Variants in BNC2 observed in about 807,000 individuals in gnomAD.
BNC2 encodes the protein basonuclin zinc finger protein 2.
In BNC2, 20 loss-of-function variants were observed where a neutral mutation model predicts 76.3. That is an observed-to-expected ratio of 0.26 (90% CI 0.18 to 0.38). The LOEUF (loss-of-function observed/expected upper bound fraction) is 0.38, where lower values mean the gene tolerates loss of function less well. BNC2 is among the 10% of genes least tolerant of loss of function. The probability of loss-of-function intolerance (pLI) is 1.00; values close to 1 mark genes in which losing one functional copy is unlikely to be tolerated. For missense variants in BNC2, 1,382 were observed against 1,399.8 expected (o/e 0.99, Z 0.20); for synonymous variants, 582 against 514.8 (o/e 1.13, Z -1.77).
intron 5 of BNC2, among the ~76,000 whole-genome samples, chr9:16,490,299 G>C (rs543870947): frequency 6.6e-6 from 1 of 152,286 alleles, no homozygotes; most frequent in African/African-American, 2.4e-5. Context: ...AGAAGCAAAA[G>C]CGGAAACCCC....
At chr9:16,602,744 G>C (rs1443420105) in intron 3 of BNC2, among the ~76,000 whole-genome samples, 1 of 152,184 alleles carries the variant, frequency 6.6e-6, no homozygotes, top group Non-Finnish European at 1.5e-5. Context: ...AGGTGGAAAT[G>C]ACTTTTCAGC....
chr9:16,592,124 A>C lies in BNC2; in HGVS notation c.331-9039T>G, dbSNP rs186977798. Among the ~76,000 whole-genome samples the C allele has an allele frequency of 1.0e-2, 1,512 of 151,654 alleles. 12 individuals carry two copies. The highest frequency in any genetic ancestry group is 0.017 in the Middle Eastern group (5 of 290). On this transcript the variant is annotated intron_variant, in intron 3 of 6. Transcript: ENST00000380672. ...GGTTAACCACCCCTCCCCTCCCCCC[A>C]AAAAAAACCTTGAGAAAAATGTTAT...
intron 1 of BNC2, among the ~76,000 whole-genome samples, chr9:16,763,996 C>A (rs1344117573): frequency 1.3e-5 from 2 of 152,240 alleles, no homozygotes; most frequent in East Asian, 3.9e-4. Flanking sequence ...CTTAATGTCC[C>A]TTTACTACCT....
At chr9:16,420,132 G>GA (rs1244625119) in intron 6 of BNC2, among the ~76,000 whole-genome samples, 1 of 151,994 alleles carries the variant, frequency 6.6e-6, no homozygotes, top group Non-Finnish European at 1.5e-5. Context: ...TTGAGGTATA[G>GA]AAAAAATTCA....
chr9:16,550,899 G>A (rs2132514231), intron 5 of BNC2, among the ~76,000 whole-genome samples: 1 of 152,232 alleles, frequency 6.6e-6, no homozygotes, highest in African/African-American at 2.4e-5. Context: ...ATTCAAAACA[G>A]ACATTAATAA....
At chr9:16,664,867 A>G (rs888672080) in intron 3 of BNC2, among the ~76,000 whole-genome samples, 3 of 20,202 alleles carry the variant, frequency 1.5e-4, no homozygotes, top group Non-Finnish European at 2.5e-4. Flanking sequence ...TGCTTCACCT[A>G]TACCATAAGC....
At chr9:16,819,560 G>A (rs890303652) in intron 1 of BNC2, among the ~76,000 whole-genome samples, 1 of 152,002 alleles carries the variant, frequency 6.6e-6, no homozygotes, top group Non-Finnish European at 1.5e-5. Context: ...CTACTCAGGA[G>A]GCAGCAGAAT....
intron 3 of BNC2, among the ~76,000 whole-genome samples, chr9:16,669,375 C>G (rs568098039): frequency 1.3e-5 from 2 of 152,262 alleles, no homozygotes; most frequent in South Asian, 4.1e-4. Flanking sequence ...GTATGTTAAC[C>G]TCAAATAATC....
At chr9:16,563,939 C>G (rs936225098) in intron 4 of BNC2, among the ~76,000 whole-genome samples, 1 of 152,124 alleles carries the variant, frequency 6.6e-6, no homozygotes, top group Non-Finnish European at 1.5e-5. Flanking sequence ...GATTTTATCA[C>G]TGTGATGACA....
intron 5 of BNC2, among the ~76,000 whole-genome samples, chr9:16,474,114 G>C (rs986465436): frequency 6.6e-6 from 1 of 152,114 alleles, no homozygotes; most frequent in Non-Finnish European, 1.5e-5. Flanking sequence ...TTAAAGTTCT[G>C]AGAGAACTGT....
rs1415396009 is a variant in BNC2, at chr9:16,416,953, T to C, written c.*2036A>G. The C allele has an allele frequency of 6.6e-6, 1 of 152,084 alleles. No individual in the cohort carries two copies. Among genetic ancestry groups the C allele is most frequent in the Non-Finnish European group, 1.5e-5 (1 of 67,894 alleles). 9.4% of individuals were successfully genotyped at this position (152,084 alleles called of 1,614,324 possible). ...AATGCTGATGTGAACATAGAAAAAA[T>C]AATTACAAAAACATGAAAAATGGAA... On this transcript the variant is annotated 3_prime_UTR_variant, in exon 7 of 7. Coordinates refer to ENST00000380672, the MANE Select transcript of BNC2 (RefSeq NM_017637.6).
chr9:16,691,004 T>A (rs1823143726), intron 3 of BNC2, among the ~76,000 whole-genome samples: 1 of 152,096 alleles, frequency 6.6e-6, no homozygotes, highest in Non-Finnish European at 1.5e-5. Context: ...AGGAGCAACC[T>A]CTGCAGGTAC....
intron 5 of BNC2, among the ~76,000 whole-genome samples, chr9:16,511,990 T>G (rs1275935357): frequency 2.0e-5 from 3 of 152,198 alleles, no homozygotes; most frequent in Admixed American, 2.0e-4. Flanking sequence ...TGCAAATATA[T>G]ACAACAGAAT....
chr9:16,543,363 A>C (rs1818382446), intron 5 of BNC2, among the ~76,000 whole-genome samples: 1 of 152,208 alleles, frequency 6.6e-6, no homozygotes, highest in Admixed American at 6.5e-5. Flanking sequence ...TCCACTTTAA[A>C]TTCAACAAGA....
At chr9:16,449,388 C>A (rs1036698956) in intron 5 of BNC2, among the ~76,000 whole-genome samples, 2 of 152,162 alleles carry the variant, frequency 1.3e-5, no homozygotes, top group African/African-American at 4.8e-5. Context: ...AGCGCTTTGA[C>A]AGATTACCTT....
At chr9:16,828,802 C>G (rs891699323) in intron 1 of BNC2, among the ~76,000 whole-genome samples, 1 of 152,166 alleles carries the variant, frequency 6.6e-6, no homozygotes, top group Non-Finnish European at 1.5e-5. Flanking sequence ...GGAGGAAGAT[C>G]GCCATAACAA....
intron 6 of BNC2, among the ~76,000 whole-genome samples, chr9:16,427,909 A>G: frequency 6.6e-6 from 1 of 152,210 alleles, no homozygotes; most frequent in South Asian, 2.1e-4. Flanking sequence ...ACCCGTCATG[A>G]GAATATAGTT....
intron 3 of BNC2, among the ~76,000 whole-genome samples, chr9:16,596,527 G>C (rs891094964): frequency 6.6e-6 from 1 of 152,092 alleles, no homozygotes; most frequent in African/African-American, 2.4e-5. Flanking sequence ...TTTGTTTGTG[G>C]ATCTATGGAG....
chr9:16,435,193 T>G (rs1424835679), intron 6 of BNC2: 1 of 390,552 alleles, frequency 2.6e-6, no homozygotes, highest in African/African-American at 2.1e-5. Context: ...TAAATATATA[T>G]ATAACAGAAG....
Sources: allele counts gnomAD v4.1 joint callset (sites outside exome capture counted in the v4.1 genomes callset), GRCh38; gene constraint gnomAD v4.1.1; transcripts MANE v1.5; gene names NCBI Gene and HGNC (gene_info 2026-07-23, HGNC 2026-07-21).